The following PDE4D variants were observed in gnomAD, a reference collection of about 807,000 sequenced individuals.
PDE4D encodes the protein phosphodiesterase 4D, also known as 3',5'-cyclic-AMP phosphodiesterase 4D.
In PDE4D, 24 loss-of-function variants were observed where a neutral mutation model predicts 87.4. That is an observed-to-expected ratio of 0.27 (90% CI 0.20 to 0.39). The LOEUF (loss-of-function observed/expected upper bound fraction) is 0.39, where lower values mean the gene tolerates loss of function less well. PDE4D is among the 10% of genes least tolerant of loss of function. PDE4D has a pLI of 1.00. For missense variants in PDE4D, 714 were observed against 1,041.0 expected (o/e 0.69, Z 4.32); for synonymous variants, 384 against 383.2 (o/e 1.00, Z -0.02).
In PDE4D at chr5:59,680,013, A is replaced by G. The variant is rs1018995447; in HGVS notation, c.455+213155T>C. Reference sequence around the variant, plus strand: ...CTAAACTTAACTCCAAGTACGAAATACACTTTTACATTTGTGTTTCTAACT... The same window carrying G: ...CTAAACTTAACTCCAAGTACGAAATGCACTTTTACATTTGTGTTTCTAACT... On this transcript the variant is annotated intron_variant, in intron 1 of 14. Transcript: ENST00000340635. Among the ~76,000 whole-genome samples, 9 of 152,228 alleles carry G rather than the reference A, an allele frequency of 5.9e-5. No homozygotes were observed. The East Asian group carries it at 1.7e-3, about 29-fold the overall frequency.
intron 1 of PDE4D, among the ~76,000 whole-genome samples, chr5:59,293,952 G>A (rs912352726): frequency 6.6e-6 from 1 of 152,140 alleles, no homozygotes; most frequent in Non-Finnish European, 1.5e-5. Context: ...ACCTATTCTG[G>A]TGAATTAGAC....
intron 5 of PDE4D, among the ~76,000 whole-genome samples, chr5:59,082,819 G>A (rs982652748): frequency 6.6e-6 from 1 of 152,150 alleles, no homozygotes. Flanking sequence ...AATTCGAAAT[G>A]TGATGTCTAC....
chr5:59,622,637 T>C (rs1257901761), intron 1 of PDE4D, among the ~76,000 whole-genome samples: 3 of 152,186 alleles, frequency 2.0e-5, no homozygotes, highest in East Asian at 3.8e-4. Context: ...GTCTCTTCCA[T>C]GCCCAATCTT....
At chr5:60,452,691 T>C (rs1461537016) in intron 1 of PDE4D, among the ~76,000 whole-genome samples, 1 of 152,114 alleles carries the variant, frequency 6.6e-6, no homozygotes, top group Non-Finnish European at 1.5e-5. Flanking sequence ...AGGCAACAGC[T>C]ACATTATGGA....
chr5:59,963,753 C>A (rs1317210851), intron 3 of PDE4D, among the ~76,000 whole-genome samples: 1 of 152,130 alleles, frequency 6.6e-6, no homozygotes, highest in East Asian at 1.9e-4. Context: ...ATAACACCCT[C>A]TTCTCACTGT....
intron 1 of PDE4D, among the ~76,000 whole-genome samples, chr5:59,305,966 G>A (rs1006573522): frequency 5.9e-5 from 9 of 152,072 alleles, no homozygotes; most frequent in African/African-American, 2.2e-4. Flanking sequence ...TTGATGACCT[G>A]TCTAGTGCTG....
At chr5:58,990,732 T>C (rs1747712531) in intron 9 of PDE4D, 72 bp downstream of exon 9, 1 of 779,202 alleles carries the variant, frequency 1.3e-6, no homozygotes, top group African/African-American at 1.8e-5. Context: ...AAAGACAAAA[T>C]GTATGCATAA....
intron 1 of PDE4D, among the ~76,000 whole-genome samples, chr5:59,878,627 TG>T (rs1468555583): frequency 2.0e-5 from 3 of 152,140 alleles, no homozygotes; most frequent in Non-Finnish European, 2.9e-5. Flanking sequence ...ATTCATTAAT[TG>T]TACTTTTTGG....
intron 1 of PDE4D, among the ~76,000 whole-genome samples, chr5:60,403,904 C>A (rs1378589002): frequency 6.6e-6 from 1 of 152,178 alleles, no homozygotes; most frequent in Non-Finnish European, 1.5e-5. Context: ...TTGGACAGGA[C>A]AAACTGTTTC....
chr5:60,311,593 T>G (rs1016251835), intron 1 of PDE4D, among the ~76,000 whole-genome samples: 7 of 152,126 alleles, frequency 4.6e-5, no homozygotes, highest in Non-Finnish European at 8.8e-5. Flanking sequence ...AAAAGAACAT[T>G]ACCCACCACC....
rs1167614642 is a variant in PDE4D at position 59,351,348 on chromosome 5, T to A, written c.456-135380A>T. Among the ~76,000 whole-genome samples the A allele has an allele frequency of 2.0e-5, 3 of 152,172 alleles. No homozygotes were observed. In the East Asian group the frequency reaches 5.8e-4, roughly 29 times the overall value. Reference sequence around the variant, plus strand: ...AATGTGCAATGGTTGTTAGTAGTATTGTTATTCTTAGATATAAATGTTGTC... The same window carrying A: ...AATGTGCAATGGTTGTTAGTAGTATAGTTATTCTTAGATATAAATGTTGTC... On this transcript the variant is annotated intron_variant, in intron 1 of 14. Coordinates refer to ENST00000340635, the MANE Select transcript of PDE4D (RefSeq NM_001104631.2).
chr5:59,824,162 T>C (rs1770040678), intron 1 of PDE4D, among the ~76,000 whole-genome samples: 1 of 152,326 alleles, frequency 6.6e-6, no homozygotes, highest in African/African-American at 2.4e-5. Flanking sequence ...ATTTTAGTTG[T>C]GTATTTTATT....
intron 6 of PDE4D, among the ~76,000 whole-genome samples, chr5:59,019,745 T>TATTG (rs1232414100): frequency 4.6e-5 from 7 of 152,180 alleles, no homozygotes. Context: ...TGGTCCTCTG[T>TATTG]ATTGAATACT....
At chr5:60,161,523 C>T (rs1266191454) in intron 2 of PDE4D, among the ~76,000 whole-genome samples, 1 of 152,106 alleles carries the variant, frequency 6.6e-6, no homozygotes, top group East Asian at 1.9e-4. Context: ...TCTTCCTACT[C>T]TTCAACTGCC....
chr5:59,383,576 C>T (rs1020864878), intron 1 of PDE4D, among the ~76,000 whole-genome samples: 2 of 152,130 alleles, frequency 1.3e-5, no homozygotes, highest in Non-Finnish European at 2.9e-5. Context: ...TCTGTCCCTA[C>T]CACTCCATAT....
chr5:60,198,853 T>C (rs1741595519), intron 1 of PDE4D, among the ~76,000 whole-genome samples: 1 of 151,640 alleles, frequency 6.6e-6, no homozygotes. Flanking sequence ...TTTTAGGAGA[T>C]CTGGATTTTA....
At chr5:59,355,192 T>C (rs1162223409) in intron 1 of PDE4D, among the ~76,000 whole-genome samples, 3 of 152,226 alleles carry the variant, frequency 2.0e-5, no homozygotes, top group Non-Finnish European at 4.4e-5. Flanking sequence ...AAAAAATATA[T>C]TTATCATATA....
intron 1 of PDE4D, among the ~76,000 whole-genome samples, chr5:59,693,946 G>A (rs1373970777): frequency 6.6e-6 from 1 of 152,008 alleles, no homozygotes; most frequent in Non-Finnish European, 1.5e-5. Flanking sequence ...GACATCAAAG[G>A]TTGATGCCTT....
chr5:59,784,597 G>A (rs1764968516), intron 1 of PDE4D, among the ~76,000 whole-genome samples: 1 of 152,190 alleles, frequency 6.6e-6, no homozygotes, highest in Non-Finnish European at 1.5e-5. Context: ...GAATTAGGCA[G>A]TATTTTGGAG....
Sources: allele counts gnomAD v4.1 joint callset (sites outside exome capture counted in the v4.1 genomes callset), GRCh38; gene constraint gnomAD v4.1.1; transcripts MANE v1.5; gene names NCBI Gene and HGNC (gene_info 2026-07-23, HGNC 2026-07-21).